PLPPR4: variants seen among roughly 807,000 people sequenced by gnomAD.
The protein encoded by PLPPR4 is phospholipid phosphatase related 4.
In PLPPR4, 24 loss-of-function variants were observed where a neutral mutation model predicts 56.6. The observed-to-expected ratio is 0.42, with a 90% CI of 0.31 to 0.60. PLPPR4 has a LOEUF of 0.60. Ranked by LOEUF, PLPPR4 falls within the 20% of genes least tolerant of loss-of-function variation. The pLI, the probability that PLPPR4 is intolerant of heterozygous loss-of-function variation, is 0.13. For missense variants in PLPPR4, 654 were observed against 885.8 expected, an observed-to-expected ratio of 0.74 and a Z score of 3.32; for synonymous variants, 326 against 328.1, an observed-to-expected ratio of 0.99 and a Z score of 0.07.
intron 2 of PLPPR4, among the ~76,000 whole-genome samples, chr1:99,291,506 C>T (rs2100801371): frequency 6.6e-6 from 1 of 152,256 alleles, no homozygotes; most frequent in East Asian, 1.9e-4. Flanking sequence ...TTCACAATAG[C>T]AAAGACATGG....
intron 1 of PLPPR4, among the ~76,000 whole-genome samples, chr1:99,267,703 A>T (rs927519248): frequency 6.6e-6 from 1 of 152,202 alleles, no homozygotes; most frequent in Non-Finnish European, 1.5e-5. Flanking sequence ...TCAAGTCCTG[A>T]CAAGGTCTAG....
chr1:99,274,808 A>G (rs1296700611), intron 1 of PLPPR4, among the ~76,000 whole-genome samples: 1 of 152,166 alleles, frequency 6.6e-6, no homozygotes, highest in African/African-American at 2.4e-5. Flanking sequence ...AGCCACTGCC[A>G]TTCTTATCTT....
At chr1:99,291,438 G>A (rs1659617942) in intron 2 of PLPPR4, among the ~76,000 whole-genome samples, 1 of 152,086 alleles carries the variant, frequency 6.6e-6, no homozygotes, top group Non-Finnish European at 1.5e-5. Context: ...TATACCCAAA[G>A]GAACATAAAT....
chr1:99,279,530 T>C (rs1659272194), intron 1 of PLPPR4, among the ~76,000 whole-genome samples: 1 of 152,202 alleles, frequency 6.6e-6, no homozygotes, highest in African/African-American at 2.4e-5. Context: ...GAGAGTGTGA[T>C]TTGAAAGTGC....
At chr1:99,292,502 C>T (rs946543305) in intron 2 of PLPPR4, among the ~76,000 whole-genome samples, 1 of 152,224 alleles carries the variant, frequency 6.6e-6, no homozygotes, top group Non-Finnish European at 1.5e-5. Flanking sequence ...AAAGGTGCCA[C>T]TCAATTCCTG....
At chr1:99,281,839 ATG>A (rs1486030378) in intron 1 of PLPPR4, among the ~76,000 whole-genome samples, 1 of 152,218 alleles carries the variant, frequency 6.6e-6, no homozygotes, top group African/African-American at 2.4e-5. Context: ...CTCATTTTAA[ATG>A]TGTTATTAAT....
intron 1 of PLPPR4, among the ~76,000 whole-genome samples, chr1:99,268,311 T>C (rs910521307): frequency 6.6e-6 from 1 of 152,208 alleles, no homozygotes; most frequent in Non-Finnish European, 1.5e-5. Context: ...ACTCCCCACA[T>C]TGGCTCATCA....
intron 2 of PLPPR4, among the ~76,000 whole-genome samples, chr1:99,289,473 A>G (rs1659560482): frequency 6.6e-6 from 1 of 152,154 alleles, no homozygotes; most frequent in Non-Finnish European, 1.5e-5. Context: ...GTCTCTAAAC[A>G]CTTTAAAAAT....
At chr1:99,301,606 A>G in intron 5 of PLPPR4, 118 bp from the exon 6 acceptor site, 1 of 613,776 alleles carries the variant, frequency 1.6e-6, no homozygotes, top group East Asian at 2.8e-5. Context: ...CCATAGGAAG[A>G]GGGGGTGAAA....
rs757096874 is a variant in PLPPR4 at position 99,296,792 on chromosome 1, G to T, written c.319G>T (p.Val107Phe). 72 of 1,606,258 alleles carry T rather than the reference G, an allele frequency of 4.5e-5. No individual in the cohort carries two copies. Among genetic ancestry groups the T allele is most frequent in the Non-Finnish European group, 6.0e-5 (71 of 1,174,690 alleles). The stretch of plus-strand genomic sequence containing the variant: ...TTGCCTCTCCAAAAGAAGAAATGGG[G>T]TCGGACTAGAGCCCAACATTAATGC... ...YCCLSKRRNG[V>F]GLEPNINAGG... The change falls in exon 3 of 7, where the codon GTC (valine) becomes TTC (phenylalanine). Residue 107 changes from valine to phenylalanine, a missense_variant. Around this residue, in one of 2 missense-constraint regions of PLPPR4, gnomAD observed 186 missense variants for 331.4 expected, o/e 0.56. Transcript: ENST00000370185.
At chr1:99,304,902 T>C (rs963505224) in intron 6 of PLPPR4, among the ~76,000 whole-genome samples, 2 of 152,152 alleles carry the variant, frequency 1.3e-5, no homozygotes, top group African/African-American at 2.4e-5. Flanking sequence ...GGTAATGATT[T>C]TGAGTCTGAA....
At chr1:99,270,147 C>T (rs1659018854) in intron 1 of PLPPR4, among the ~76,000 whole-genome samples, 1 of 151,824 alleles carries the variant, frequency 6.6e-6, no homozygotes, top group African/African-American at 2.4e-5. Context: ...ACTTCAGCCT[C>T]CTGAGTACGT....
At chr1:99,281,506 T>C (rs1659324289) in intron 1 of PLPPR4, among the ~76,000 whole-genome samples, 2 of 152,122 alleles carry the variant, frequency 1.3e-5, no homozygotes, top group African/African-American at 4.8e-5. Context: ...ATACTTAGAG[T>C]GAGGATAGTT....
In PLPPR4 at chr1:99,306,414, G is replaced by C. The variant is rs1254953724; in HGVS notation, c.1552G>C (p.Ala518Pro). 5 of 1,614,158 alleles carry C rather than the reference G, an allele frequency of 3.1e-6. No individual in the cohort carries two copies. In the East Asian group the frequency reaches 1.1e-4, roughly 36 times the overall value. The change falls in exon 7 of 7, where the codon GCC (alanine) becomes CCC (proline). Residue 518 changes from alanine (A) to proline (P), a missense_variant. By Grantham distance (27) the Ala-to-Pro change is conservative. Around this residue, in one of 2 missense-constraint regions of PLPPR4, gnomAD observed 468 missense variants for 554.3 expected, o/e 0.84. Coordinates refer to ENST00000370185, the MANE Select transcript of PLPPR4 (RefSeq NM_014839.5). The surrounding 1 kb of genome is among the most constrained non-coding windows in gnomAD (Gnocchi z 4.0). ...KWLKAAEKTVACNRSNSQPRI... is the reference protein window; with the variant it reads ...KWLKAAEKTVPCNRSNSQPRI... The stretch of plus-strand genomic sequence containing the variant: ...GTTAAAAGCTGCTGAAAAGACTGTG[G>C]CCTGTAACAGAAGCAACAGCCAGCC...
At chr1:99,293,128 G>T (rs1482142916) in intron 2 of PLPPR4, among the ~76,000 whole-genome samples, 1 of 152,096 alleles carries the variant, frequency 6.6e-6, no homozygotes, top group Non-Finnish European at 1.5e-5. Context: ...ACGTGGAGTG[G>T]GGGTAAGGCA....
intron 3 of PLPPR4, among the ~76,000 whole-genome samples, chr1:99,297,934 C>G (rs1434512487): frequency 6.6e-6 from 1 of 152,106 alleles, no homozygotes; most frequent in East Asian, 1.9e-4. Context: ...TGTTCCAGAG[C>G]CTGCATCAGC....
At chr1:99,264,457 G>T (rs751112774), upstream of PLPPR4, 2 of 1,498,658 alleles carry the variant, frequency 1.3e-6, no homozygotes, top group Non-Finnish European at 1.8e-6. Context: ...TGCATGCAGC[G>T]CGCTGGCTCC....
intron 1 of PLPPR4, among the ~76,000 whole-genome samples, chr1:99,281,552 A>G (rs1659325882): frequency 6.6e-6 from 1 of 152,158 alleles, no homozygotes; most frequent in Non-Finnish European, 1.5e-5. Context: ...TGTTATTATT[A>G]TTATCAATAT....
At chr1:99,305,325 C>T (rs1044360058) in intron 6 of PLPPR4, among the ~76,000 whole-genome samples, 2 of 152,076 alleles carry the variant, frequency 1.3e-5, no homozygotes, top group Admixed American at 6.5e-5. Flanking sequence ...TGAGATGTCA[C>T]GCAACAAGAA....
Sources: allele counts gnomAD v4.1 joint callset (sites outside exome capture counted in the v4.1 genomes callset), GRCh38; gene constraint gnomAD v4.1.1; regional missense constraint gnomAD v4.1.1; non-coding constraint Gnocchi (gnomAD v3.1); transcripts MANE v1.5; gene names NCBI Gene and HGNC (gene_info 2026-07-23, HGNC 2026-07-21).